Variants in DNAJC5B observed in about 807,000 individuals in gnomAD.
DNAJC5B encodes DnaJ heat shock protein family (Hsp40) member C5 beta.
A neutral mutation model predicts 24.7 loss-of-function variants in DNAJC5B; 23 were observed. That is an observed-to-expected ratio of 0.93 (90% CI 0.67 to 1.32). DNAJC5B has a LOEUF of 1.32. Ranked by LOEUF, DNAJC5B falls within the 40% of genes most tolerant of loss-of-function variation. The pLI is 0.00. For synonymous variants in DNAJC5B, 101 were observed against 90.1 expected (o/e 1.12, Z -0.68); for missense variants, 238 against 240.8 (o/e 0.99, Z 0.08).
intron 5 of DNAJC5B, among the ~76,000 whole-genome samples, chr8:66,093,568 T>C (rs952586443): frequency 6.6e-6 from 1 of 152,214 alleles, no homozygotes; most frequent in Non-Finnish European, 1.5e-5. Flanking sequence ...TTTGCAGGTT[T>C]TAAAATTATA....
At chr8:66,099,207 TTAAAC>T (rs1305957104) in intron 5 of DNAJC5B, among the ~76,000 whole-genome samples, 3 of 152,186 alleles carry the variant, frequency 2.0e-5, no homozygotes, top group African/African-American at 7.2e-5. Context: ...CTGGACCTCT[TTAAAC>T]TAAATTATCA....
chr8:66,054,746 A>T (rs991264278), intron 3 of DNAJC5B, among the ~76,000 whole-genome samples: 2 of 152,158 alleles, frequency 1.3e-5, no homozygotes, highest in Non-Finnish European at 2.9e-5. Flanking sequence ...GGGAGAGAAA[A>T]GTCTTTGCTG....
chr8:66,097,475 G>A (rs773292192), intron 5 of DNAJC5B, among the ~76,000 whole-genome samples: 35 of 150,034 alleles, frequency 2.3e-4, no homozygotes, highest in Middle Eastern at 7.0e-3. Flanking sequence ...TTTAAGCCTC[G>A]TAAATTTTTA....
At position 66,100,983 on chromosome 8, in the gene DNAJC5B, T is replaced by G. The variant is rs1261691267; in HGVS notation, c.*952T>G. ...TTGTTTGATTCTTGTATTTATTATG[T>G]GGTAGAAACCATGTGCTATTTCTAA... On this transcript the variant is annotated 3_prime_UTR_variant, in exon 6 of 6. Transcript: ENST00000276570. 6.6e-6 allele frequency among the ~76,000 whole-genome samples: 1 copy of G among 152,226 alleles called. No homozygotes were observed. Among genetic ancestry groups the G allele is most frequent in the Non-Finnish European group, 1.5e-5 (1 of 68,036 alleles).
intron 3 of DNAJC5B, among the ~76,000 whole-genome samples, chr8:66,072,054 T>A (rs1420678926): frequency 5.0e-4 from 12 of 23,832 alleles, no homozygotes; most frequent in African/African-American, 9.9e-4. Context: ...TGTCAGGGGG[T>A]GGGGGGGTAG....
chr8:66,023,111 C>T (rs1383017161), intron 1 of DNAJC5B, among the ~76,000 whole-genome samples: 3 of 152,202 alleles, frequency 2.0e-5, no homozygotes, highest in South Asian at 2.1e-4. Context: ...TCCACAGCTT[C>T]GTTTCCAGGA....
intron 3 of DNAJC5B, 31 bp downstream of exon 3, chr8:66,051,697 C>A: frequency 6.6e-7 from 1 of 1,519,914 alleles, no homozygotes; most frequent in Non-Finnish European, 9.1e-7. Context: ...ATTTCTTCTG[C>A]TACTAGTGAG....
chr8:66,100,138 T>C lies in DNAJC5B; in HGVS notation c.*107T>C, dbSNP rs1391418787. The C allele has an allele frequency of 2.2e-6, 2 of 912,658 alleles. No individual in the cohort carries two copies. The highest frequency in any genetic ancestry group is 3.3e-5 in the African/African-American group (2 of 59,724). 56.5% of individuals were successfully genotyped at this position (912,658 alleles called of 1,614,324 possible). On this transcript the variant is annotated 3_prime_UTR_variant, in exon 6 of 6. Transcript: ENST00000276570. ...TAAAGTGCTGTGAACTTTTCCATCTTGTTGTTTTATTTTTGGGTTAGGAAA... is the reference window on the plus strand; with the variant it reads ...TAAAGTGCTGTGAACTTTTCCATCTCGTTGTTTTATTTTTGGGTTAGGAAA...
In DNAJC5B at chr8:66,100,094, T is replaced by A. The variant is rs572864223; in HGVS notation, c.*63T>A. The A allele has an allele frequency of 3.5e-6, 5 of 1,441,276 alleles. No individual in the cohort carries two copies. In the Admixed American group the frequency reaches 5.7e-5, roughly 16 times the overall value. 89.3% of individuals were successfully genotyped at this position (1,441,276 alleles called of 1,614,324 possible). A position where few individuals can be genotyped will look rare whatever the true frequency, so the allele number is the denominator to read the frequency against. ...GTTCAGTCTTGTCTCCAGATGGTCG[T>A]AGGGGAGCGTGTGGGGCATAAAGTG... On this transcript the variant is annotated 3_prime_UTR_variant, in exon 6 of 6. Coordinates refer to ENST00000276570, the MANE Select transcript of DNAJC5B (RefSeq NM_033105.6).
At chr8:66,062,487 A>G (rs1807104941) in intron 3 of DNAJC5B, among the ~76,000 whole-genome samples, 1 of 152,250 alleles carries the variant, frequency 6.6e-6, no homozygotes, top group South Asian at 2.1e-4. Flanking sequence ...TTTGTAACAT[A>G]AACATTGGTT....
chr8:66,072,927 T>C (rs1807380622), intron 3 of DNAJC5B, among the ~76,000 whole-genome samples: 1 of 152,080 alleles, frequency 6.6e-6, no homozygotes, highest in Non-Finnish European at 1.5e-5. Flanking sequence ...GGTGCAGAAA[T>C]AACATTTGGT....
chr8:66,060,821 T>C (rs1405563670), intron 3 of DNAJC5B, among the ~76,000 whole-genome samples: 1 of 152,232 alleles, frequency 6.6e-6, no homozygotes, highest in Non-Finnish European at 1.5e-5. Context: ...ATTCAACGAA[T>C]ATGTATTGAG....
intron 5 of DNAJC5B, among the ~76,000 whole-genome samples, chr8:66,097,534 C>G (rs1452109866): frequency 6.6e-6 from 1 of 150,944 alleles, no homozygotes; most frequent in Admixed American, 6.6e-5. Flanking sequence ...GACATATTTT[C>G]TGGGTTTTTT....
chr8:66,061,610 A>AGAGAGTGT (rs1239405686), intron 3 of DNAJC5B, among the ~76,000 whole-genome samples: 1 of 144,964 alleles, frequency 6.9e-6, no homozygotes, highest in African/African-American at 2.6e-5. Flanking sequence ...AGAGAGAGAG[A>AGAGAGTGT]GTGTGTGTGT....
intron 4 of DNAJC5B, among the ~76,000 whole-genome samples, chr8:66,079,438 A>G (rs925764226): frequency 1.3e-5 from 2 of 152,206 alleles, no homozygotes; most frequent in Non-Finnish European, 2.9e-5. Flanking sequence ...GGAGGGAGTC[A>G]TTGTTTTGGG....
At chr8:66,015,213 G>A in the DNAJC5B span, among the ~76,000 whole-genome samples, 51 of 141,792 alleles carry the variant, frequency 3.6e-4, no homozygotes, top group African/African-American at 1.5e-3. Flanking sequence ...TTTGAGGCAA[G>A]GACATGGGTA....
In DNAJC5B at chr8:66,022,388, G is replaced by A. The variant is rs759239658; in HGVS notation, c.-142+683G>A. On this transcript the variant is annotated intron_variant, in intron 1 of 5. Transcript: ENST00000276570. ...CAGTGGGGCGGAGCATGGGGCCAGC[G>A]CCAGGCCCTGACTCATCCCCATGTG... 2.2e-4 allele frequency among the ~76,000 whole-genome samples: 33 copies of A among 152,182 alleles called. 1 individual carries two copies. Among genetic ancestry groups the A allele is most frequent in the Non-Finnish European group, 3.2e-4 (22 of 68,026 alleles).
intron 1 of DNAJC5B, among the ~76,000 whole-genome samples, chr8:66,034,109 G>A (rs1806424544): frequency 6.6e-6 from 1 of 152,054 alleles, no homozygotes; most frequent in South Asian, 2.1e-4. Context: ...TCCCAGGTGT[G>A]TGGGTCAAAT....
chr8:66,029,882 G>A (rs1392621210), intron 1 of DNAJC5B, among the ~76,000 whole-genome samples: 1 of 152,076 alleles, frequency 6.6e-6, no homozygotes, highest in Non-Finnish European at 1.5e-5. Context: ...GGTGGGGGTG[G>A]TCGAGAGCCC....
Sources: allele counts gnomAD v4.1 joint callset (sites outside exome capture counted in the v4.1 genomes callset), GRCh38; gene constraint gnomAD v4.1.1; transcripts MANE v1.5; gene names NCBI Gene and HGNC (gene_info 2026-07-23, HGNC 2026-07-21).